DLG2: variants seen among roughly 807,000 people sequenced by gnomAD.
The protein encoded by DLG2 is discs large MAGUK scaffold protein 2.
Under a neutral mutation model 132.5 loss-of-function variants are expected in DLG2, and 45 were observed. The ratio of observed to expected loss-of-function variants is 0.34; its 90% CI spans 0.27 to 0.44. The LOEUF (loss-of-function observed/expected upper bound fraction) is 0.44. DLG2 is among the 20% of genes least tolerant of loss of function. DLG2 has a pLI of 1.00. For missense variants in DLG2, 1,045 were observed against 1,196.9 expected (o/e 0.87, Z 1.87); for synonymous variants, 424 against 419.6 (o/e 1.01, Z -0.13).
intron 17 of DLG2, among the ~76,000 whole-genome samples, chr11:83,812,489 T>C (rs1189439505): frequency 6.6e-6 from 1 of 152,164 alleles, no homozygotes; most frequent in Non-Finnish European, 1.5e-5. Context: ...CACAGCCTTA[T>C]GTAGCCATTT....
At chr11:84,342,246 G>A (rs988000265) in intron 7 of DLG2, among the ~76,000 whole-genome samples, 1 of 152,076 alleles carries the variant, frequency 6.6e-6, no homozygotes, top group South Asian at 2.1e-4. Context: ...CAACTGGGGA[G>A]AAATGTGAAT....
chr11:84,448,205 G>T (rs1246264791), intron 7 of DLG2, among the ~76,000 whole-genome samples: 2 of 151,982 alleles, frequency 1.3e-5, no homozygotes, highest in Non-Finnish European at 2.9e-5. Flanking sequence ...AGTTAGCCTG[G>T]TATTCTAGCT....
intron 6 of DLG2, among the ~76,000 whole-genome samples, chr11:84,835,797 A>G (rs1216186687): frequency 6.6e-6 from 1 of 151,794 alleles, no homozygotes; most frequent in East Asian, 1.9e-4. Context: ...TATTTAATCA[A>G]TGAATATAGA....
At chr11:84,768,581 T>A (rs1346343480) in intron 6 of DLG2, among the ~76,000 whole-genome samples, 3 of 152,180 alleles carry the variant, frequency 2.0e-5, no homozygotes, top group African/African-American at 7.2e-5. Flanking sequence ...AATATATTCA[T>A]TGGTATATGT....
intron 19 of DLG2, among the ~76,000 whole-genome samples, chr11:83,594,472 C>CTTGTTT (rs2097251257): frequency 6.6e-6 from 1 of 152,176 alleles, no homozygotes; most frequent in African/African-American, 2.4e-5. Flanking sequence ...ACAGACATTT[C>CTTGTTT]AGATGCATGA....
chr11:83,483,512 A>G (rs2093292426), intron 22 of DLG2, among the ~76,000 whole-genome samples: 1 of 152,154 alleles, frequency 6.6e-6, no homozygotes, highest in Non-Finnish European at 1.5e-5. Flanking sequence ...GAGCAACTCA[A>G]GGTTTAAACA....
intron 7 of DLG2, among the ~76,000 whole-genome samples, chr11:84,263,002 A>G (rs1469920498): frequency 6.6e-6 from 1 of 152,164 alleles, no homozygotes; most frequent in Non-Finnish European, 1.5e-5. Flanking sequence ...GGAAATAACC[A>G]CACTCCAGTC....
intron 6 of DLG2, among the ~76,000 whole-genome samples, chr11:84,732,085 G>T (rs1418781263): frequency 6.6e-6 from 1 of 151,916 alleles, no homozygotes; most frequent in Non-Finnish European, 1.5e-5. Flanking sequence ...CTATTCTGAG[G>T]TTTATCTAGA....
chr11:84,458,862 T>C (rs1172943915), intron 7 of DLG2, among the ~76,000 whole-genome samples: 2 of 150,686 alleles, frequency 1.3e-5, no homozygotes, highest in Non-Finnish European at 3.0e-5. Flanking sequence ...GTAATATTTA[T>C]TGAGTGAATA....
chr11:83,526,696 A>G (rs2095618453), intron 21 of DLG2, among the ~76,000 whole-genome samples: 1 of 152,154 alleles, frequency 6.6e-6, no homozygotes. Flanking sequence ...CTTGAGTCTA[A>G]CTTTCCAGTT....
intron 18 of DLG2, among the ~76,000 whole-genome samples, chr11:83,682,707 A>C (rs2079039709): frequency 6.6e-6 from 1 of 152,112 alleles, no homozygotes; most frequent in Admixed American, 6.6e-5. Flanking sequence ...ACAGTCTACC[A>C]AACACTTTCA....
intron 3 of DLG2, among the ~76,000 whole-genome samples, chr11:85,585,181 C>T (rs565826293): frequency 6.6e-5 from 10 of 152,138 alleles, no homozygotes; most frequent in South Asian, 4.1e-4. Context: ...TTTTTATATA[C>T]GATGAGAGAT....
chr11:84,062,757 G>A (rs527464935), intron 10 of DLG2, among the ~76,000 whole-genome samples: 43 of 151,342 alleles, frequency 2.8e-4, no homozygotes, highest in Admixed American at 1.3e-4. Flanking sequence ...TAATGGTGGT[G>A]TTTGTAGGGG....
chr11:84,926,293 A>G (rs1363743913), intron 6 of DLG2, among the ~76,000 whole-genome samples: 1 of 152,060 alleles, frequency 6.6e-6, no homozygotes, highest in East Asian at 1.9e-4. Flanking sequence ...GTTTGGAATT[A>G]TCTATCAAAT....
intron 18 of DLG2, chr11:83,692,091 G>A (rs1029342743): frequency 3.9e-5 from 6 of 152,316 alleles, no homozygotes; most frequent in South Asian, 2.1e-4. Context: ...TGGTAGATCT[G>A]AGTTTCAAAC....
In DLG2 at chr11:85,609,244, T is replaced by C. The variant is rs145515137; in HGVS notation, c.-92-10456A>G. On this transcript the variant is annotated intron_variant, in intron 2 of 27. Transcript: ENST00000376104. ...GTCACCCAACTCACTACGGGGTCAA[T>C]TGATTCTAAAAGATACATTTATTAC... Among the ~76,000 whole-genome samples the C allele has an allele frequency of 1.9e-3, 288 of 152,284 alleles. 2 individuals carry two copies. Among genetic ancestry groups the C allele is most frequent in the African/African-American group, 6.3e-3 (260 of 41,564 alleles).
chr11:84,545,163 G>A (rs1165990514), intron 6 of DLG2: 3 of 453,330 alleles, frequency 6.6e-6, no homozygotes, highest in Non-Finnish European at 1.3e-5. Context: ...GGCTAATGCT[G>A]CTACTGGAAC....
At chr11:84,185,523 A>G (rs2096258364) in intron 8 of DLG2, among the ~76,000 whole-genome samples, 1 of 152,044 alleles carries the variant, frequency 6.6e-6, no homozygotes, top group Non-Finnish European at 1.5e-5. Context: ...GCAAACAGGG[A>G]CGATTTGACT....
At chr11:85,514,522 CA>C (rs1341090540) in intron 3 of DLG2, among the ~76,000 whole-genome samples, 6 of 151,950 alleles carry the variant, frequency 3.9e-5, no homozygotes, top group African/African-American at 1.4e-4. Context: ...AGGTACTTTA[CA>C]GATTCTTACA....
Sources: allele counts gnomAD v4.1 joint callset (sites outside exome capture counted in the v4.1 genomes callset), GRCh38; gene constraint gnomAD v4.1.1; transcripts MANE v1.5; gene names NCBI Gene and HGNC (gene_info 2026-07-23, HGNC 2026-07-21).